The following FMN1 variants were observed in gnomAD, a reference collection of about 807,000 sequenced individuals.
The protein encoded by FMN1 is formin-1.
A neutral mutation model predicts 132.4 loss-of-function variants in FMN1; 110 were observed. The ratio of observed to expected loss-of-function variants is 0.83; its 90% CI spans 0.71 to 0.97. The LOEUF is 0.97. Among genes scored for constraint, FMN1 ranks in the 50% least tolerant of loss-of-function variants. FMN1 has a pLI of 0.00. For missense variants in FMN1, 1,792 were observed against 1,705.3 expected (o/e 1.05, Z -0.90); for synonymous variants, 722 against 651.7 (o/e 1.11, Z -1.64).
intron 6 of FMN1, among the ~76,000 whole-genome samples, chr15:33,018,941 G>C (rs144936106): frequency 0.011 from 1,686 of 152,286 alleles, 37 homozygotes; most frequent in African/African-American, 0.039. Flanking sequence ...CCTGGTGAGT[G>C]TTACAGCTCA....
chr15:32,853,288 GC>G (rs2059050549), intron 17 of FMN1, among the ~76,000 whole-genome samples: 1 of 152,050 alleles, frequency 6.6e-6, no homozygotes, highest in African/African-American at 2.4e-5. Context: ...GATTCTATAT[GC>G]CTAATTATAG....
chr15:32,820,284 C>T (rs1373137775), intron 17 of FMN1, among the ~76,000 whole-genome samples: 6 of 152,262 alleles, frequency 3.9e-5, no homozygotes, highest in South Asian at 2.1e-4. Context: ...ACATAAAAAG[C>T]GGGCTCAACC....
intron 9 of FMN1, among the ~76,000 whole-genome samples, chr15:32,956,670 T>C (rs1031325135): frequency 2.6e-5 from 4 of 152,134 alleles, no homozygotes; most frequent in African/African-American, 7.2e-5. Flanking sequence ...CCTAACCCCA[T>C]TGCTCAGTTG....
In FMN1 at chr15:32,768,081, C is replaced by T. The variant is rs908066665; in HGVS notation, c.*6229G>A. 1 of 152,124 alleles carries T rather than the reference C, an allele frequency of 6.6e-6. No individual in the cohort carries two copies. The highest frequency in any genetic ancestry group is 2.4e-5 in the African/African-American group (1 of 41,426). The allele number at this position is 152,124 out of a possible 1,614,324, so 9.4% of individuals were successfully genotyped here. A position where few individuals can be genotyped will look rare whatever the true frequency, so the allele number is the denominator to read the frequency against. ...CCTTTTAGTCCCTTACTGGGAAGAG[C>T]AGTATAATTTTTGTATGCTATAAAC... On this transcript the variant is annotated 3_prime_UTR_variant, in exon 21 of 21. Transcript: ENST00000616417.
At chr15:33,073,414 G>A (rs1427150481) in intron 5 of FMN1, among the ~76,000 whole-genome samples, 2 of 152,166 alleles carry the variant, frequency 1.3e-5, no homozygotes, top group African/African-American at 4.8e-5. Context: ...AAATAAGAGT[G>A]AGGAAACTAT....
rs1049196616 is a variant in FMN1, at chr15:33,154,442, T to C, written c.473A>G (p.Lys158Arg). 6.5e-7 allele frequency: 1 copy of C among 1,536,078 alleles called. No homozygotes were observed. The highest frequency in any genetic ancestry group is 2.0e-5 in the Admixed American group (1 of 51,000). ...LNKRSTHGNKKPRRSSGRRES... is the reference protein window; with the variant it reads ...LNKRSTHGNKRPRRSSGRRES... ...TCTCCTTCCACTAGACCTCCGAGGC[T>C]TTTTGTTCCCGTGGGTGCTCCTCTT... Residue 158 changes from lysine to arginine, a missense_variant, in exon 4 of 21, where the codon AAG becomes AGG. Lys to Arg is a conservative substitution (Grantham distance 26). Coordinates refer to ENST00000616417, the MANE Select transcript of FMN1 (RefSeq NM_001277313.2).
intron 16 of FMN1, among the ~76,000 whole-genome samples, chr15:32,886,769 C>T (rs1366006973): frequency 1.3e-5 from 2 of 152,176 alleles, no homozygotes; most frequent in African/African-American, 4.8e-5. Context: ...CTCTTGCTGC[C>T]ACACTGAGGA....
At chr15:32,847,211 T>C (rs1596072979) in intron 17 of FMN1, among the ~76,000 whole-genome samples, 1 of 152,010 alleles carries the variant, frequency 6.6e-6, no homozygotes, top group Admixed American at 6.6e-5. Context: ...GTTTAAGGTA[T>C]AGTCCCCTGT....
chr15:32,962,624 A>G (rs2030704148), intron 9 of FMN1, among the ~76,000 whole-genome samples: 1 of 151,232 alleles, frequency 6.6e-6, no homozygotes, highest in Non-Finnish European at 1.5e-5. Flanking sequence ...AGAATCTACA[A>G]TAAACTCAAA....
chr15:33,119,554 T>C (rs551012148), intron 4 of FMN1, among the ~76,000 whole-genome samples: 1 of 152,360 alleles, frequency 6.6e-6, no homozygotes, highest in East Asian at 1.9e-4. Flanking sequence ...TTTATAGCCC[T>C]ATTAATGATA....
intron 17 of FMN1, among the ~76,000 whole-genome samples, chr15:32,842,576 C>G (rs1382227846): frequency 6.6e-6 from 1 of 151,278 alleles, no homozygotes; most frequent in African/African-American, 2.4e-5. Context: ...GTTCCTTTTG[C>G]TCATCATTGT....
At chr15:32,853,644 C>T (rs938372262) in intron 17 of FMN1, among the ~76,000 whole-genome samples, 3 of 152,194 alleles carry the variant, frequency 2.0e-5, no homozygotes, top group Admixed American at 6.5e-5. Context: ...TTTGTATATA[C>T]TGCAATTTGG....
chr15:32,857,738 AAT>A (rs1342796788), intron 16 of FMN1, among the ~76,000 whole-genome samples: 1 of 152,246 alleles, frequency 6.6e-6, no homozygotes, highest in Non-Finnish European at 1.5e-5. Context: ...TAAAATTTGT[AAT>A]AGAGTACTTT....
chr15:33,067,496 G>A, intron 5 of FMN1: 2 of 1,614,012 alleles, frequency 1.2e-6, no homozygotes, highest in South Asian at 2.2e-5. Flanking sequence ...ATCGTCTTTT[G>A]TCCCTTTCAA....
chr15:32,780,929 T>C (rs1270856267), intron 19 of FMN1, among the ~76,000 whole-genome samples: 1 of 152,218 alleles, frequency 6.6e-6, no homozygotes, highest in Admixed American at 6.5e-5. Context: ...GATACACACA[T>C]ATGAAAGTAT....
chr15:32,777,470 T>TAATAC lies in FMN1; in HGVS notation c.4131-552_4131-551insGTATT, dbSNP rs1555451081. Among the ~76,000 whole-genome samples the TAATAC allele has an allele frequency of 2.5e-4, 34 of 133,512 alleles. 3 individuals are homozygous for TAATAC. Among genetic ancestry groups the TAATAC allele is most frequent in the African/African-American group, 8.7e-4 (34 of 39,226 alleles). The allele number at this position is 133,512 out of a possible 152,430, so 87.6% of individuals were successfully genotyped here. A position where few individuals can be genotyped will look rare whatever the true frequency, so the allele number is the denominator to read the frequency against. On this transcript the variant is annotated intron_variant, in intron 19 of 20. Coordinates refer to ENST00000616417, the MANE Select transcript of FMN1 (RefSeq NM_001277313.2). Reference sequence around the variant, plus strand: ...ATATATTATATTTATATATTACGTATATTTATATATTATATTTATATATTA... The same window carrying TAATAC: ...ATATATTATATTTATATATTACGTATAATACATTTATATATTATATTTATATATTA...
chr15:32,879,201 G>A (rs1006831596), intron 16 of FMN1, among the ~76,000 whole-genome samples: 11 of 152,236 alleles, frequency 7.2e-5, no homozygotes, highest in African/African-American at 2.6e-4. Flanking sequence ...GGTCTGTTTT[G>A]TTGAAATCAT....
At chr15:32,944,253 T>C (rs1266693153) in intron 9 of FMN1, among the ~76,000 whole-genome samples, 1 of 152,198 alleles carries the variant, frequency 6.6e-6, no homozygotes, top group Non-Finnish European at 1.5e-5. Flanking sequence ...TCTTCTTCCC[T>C]GCTCCATCCC....
chr15:32,992,407 T>C (rs185462023), intron 7 of FMN1, among the ~76,000 whole-genome samples: 99 of 152,312 alleles, frequency 6.5e-4, no homozygotes, highest in East Asian at 4.4e-3. Context: ...TTGAGAACAA[T>C]AGTATAAGTA....
Sources: allele counts gnomAD v4.1 joint callset (sites outside exome capture counted in the v4.1 genomes callset), GRCh38; gene constraint gnomAD v4.1.1; transcripts MANE v1.5; gene names NCBI Gene and HGNC (gene_info 2026-07-23, HGNC 2026-07-21).